FRMD3: variants seen among roughly 807,000 people sequenced by gnomAD.
FRMD3 encodes FERM domain-containing protein 3.
Under a neutral mutation model 70.2 loss-of-function variants are expected in FRMD3, and 33 were observed. The observed-to-expected ratio is 0.47, with a 90% CI of 0.36 to 0.63. The LOEUF (loss-of-function observed/expected upper bound fraction) is 0.63, where lower values mean the gene tolerates loss of function less well. Ranked by LOEUF, FRMD3 falls within the 20% of genes least tolerant of loss-of-function variation. The probability of loss-of-function intolerance (pLI) is 0.00; values close to 1 mark genes in which losing one functional copy is unlikely to be tolerated. For missense variants in FRMD3, 632 were observed against 711.4 expected (o/e 0.89, Z 1.27); for synonymous variants, 279 against 255.9 (o/e 1.09, Z -0.86).
At chr9:83,498,326 A>C (rs1224794963) in intron 1 of FRMD3, among the ~76,000 whole-genome samples, 3 of 152,234 alleles carry the variant, frequency 2.0e-5, no homozygotes, top group African/African-American at 7.2e-5. Context: ...ACTCATGTAG[A>C]GACCAAACTT....
intron 1 of FRMD3, among the ~76,000 whole-genome samples, chr9:83,518,520 C>T (rs933691935): frequency 1.1e-4 from 17 of 152,166 alleles, no homozygotes; most frequent in African/African-American, 4.1e-4. Context: ...ACATTCCATG[C>T]TCATGGATAG....
chr9:83,311,849 A>G (rs1312866760), intron 8 of FRMD3, 38 bp downstream of exon 8: 1 of 1,424,612 alleles, frequency 7.0e-7, no homozygotes, highest in Non-Finnish European at 9.9e-7. Context: ...ATCAAGATTA[A>G]GAAAAATGGA....
At chr9:83,402,950 C>T (rs1373259448) in intron 1 of FRMD3, among the ~76,000 whole-genome samples, 6 of 125,416 alleles carry the variant, frequency 4.8e-5, no homozygotes. Flanking sequence ...GTTGCCCAGG[C>T]TGTAGTACAA....
At chr9:83,495,193 G>A (rs1442561295) in intron 1 of FRMD3, among the ~76,000 whole-genome samples, 1 of 152,194 alleles carries the variant, frequency 6.6e-6, no homozygotes, top group Non-Finnish European at 1.5e-5. Context: ...GGGAAGCAGA[G>A]TTGGGGGACA....
intron 1 of FRMD3, among the ~76,000 whole-genome samples, chr9:83,431,937 G>A (rs1478900699): frequency 6.6e-6 from 1 of 152,188 alleles, no homozygotes; most frequent in Non-Finnish European, 1.5e-5. Flanking sequence ...AGGACACTTA[G>A]TTCAATGTGG....
chr9:83,512,882 G>T (rs1202564292), intron 1 of FRMD3, among the ~76,000 whole-genome samples: 1 of 152,178 alleles, frequency 6.6e-6, no homozygotes, highest in Non-Finnish European at 1.5e-5. Context: ...TCCTAAGTCT[G>T]CAAGACACGG....
intron 1 of FRMD3, among the ~76,000 whole-genome samples, chr9:83,423,559 G>C (rs982381166): frequency 6.4e-5 from 7 of 110,236 alleles, no homozygotes; most frequent in African/African-American, 2.4e-4. Context: ...TTAAACTTTA[G>C]TTCCCTAGTT....
intron 4 of FRMD3, among the ~76,000 whole-genome samples, chr9:83,347,528 A>T (rs1824003009): frequency 6.6e-6 from 1 of 152,256 alleles, no homozygotes; most frequent in African/African-American, 2.4e-5. Flanking sequence ...AGCCCCAGAA[A>T]TCTAAAGGAT....
At chr9:83,535,683 ATTC>A (rs1394636904) in intron 1 of FRMD3, among the ~76,000 whole-genome samples, 4 of 151,960 alleles carry the variant, frequency 2.6e-5, no homozygotes, top group Non-Finnish European at 5.9e-5. Flanking sequence ...GCCCAAGACA[ATTC>A]TTCTTCTTCC....
At chr9:83,362,178 TCTC>T (rs1824610304) in intron 3 of FRMD3, among the ~76,000 whole-genome samples, 1 of 5,200 alleles carries the variant, frequency 1.9e-4, no homozygotes, top group Non-Finnish European at 3.3e-4. Flanking sequence ...CTGTTGGTTC[TCTC>T]TCTCTCTCTC....
chr9:83,309,232 A>T (rs939643714), intron 10 of FRMD3, among the ~76,000 whole-genome samples: 1 of 150,982 alleles, frequency 6.6e-6, no homozygotes, highest in Non-Finnish European at 1.5e-5. Context: ...ATCCTGTGAC[A>T]TATTTTGTGG....
chr9:83,478,834 C>T (rs915640010), intron 1 of FRMD3, among the ~76,000 whole-genome samples: 4 of 152,036 alleles, frequency 2.6e-5, no homozygotes, highest in Non-Finnish European at 4.4e-5. Context: ...TGCCTTCAAG[C>T]AGAGTAAGGC....
intron 10 of FRMD3, among the ~76,000 whole-genome samples, chr9:83,304,186 C>T (rs1291188510): frequency 1.3e-5 from 2 of 152,120 alleles, no homozygotes; most frequent in African/African-American, 2.4e-5. Flanking sequence ...ACGACTAATG[C>T]TGCTATGAAC....
At chr9:83,295,527 C>CTTT (rs1554683111) in intron 12 of FRMD3, among the ~76,000 whole-genome samples, 1 of 151,874 alleles carries the variant, frequency 6.6e-6, no homozygotes, top group Non-Finnish European at 1.5e-5. Context: ...TTTTAAAGCA[C>CTTT]TTTAATACTC....
chr9:83,566,763 G>A, the FRMD3 span, among the ~76,000 whole-genome samples: 1 of 152,202 alleles, frequency 6.6e-6, no homozygotes, highest in Admixed American at 6.5e-5. Flanking sequence ...TCAAATACAG[G>A]TCACACTGAT....
intron 1 of FRMD3, among the ~76,000 whole-genome samples, chr9:83,504,058 C>G (rs2131517624): frequency 6.6e-6 from 1 of 152,264 alleles, no homozygotes; most frequent in East Asian, 1.9e-4. Flanking sequence ...GCACTGAGTG[C>G]TGCTGAAGCC....
chr9:83,297,401 G>C (rs2119011659), intron 12 of FRMD3: 1 of 190,724 alleles, frequency 5.2e-6, no homozygotes, highest in South Asian at 1.1e-4. Context: ...GGAGTTCTAG[G>C]CTTAGGTCTG....
At chr9:83,504,872 C>A (rs1352435820) in intron 1 of FRMD3, among the ~76,000 whole-genome samples, 1 of 152,120 alleles carries the variant, frequency 6.6e-6, no homozygotes, top group Non-Finnish European at 1.5e-5. Context: ...CTCACGGTAC[C>A]TTGCACAGTA....
chr9:83,496,762 T>C (rs1028531956), intron 1 of FRMD3, among the ~76,000 whole-genome samples: 2 of 152,210 alleles, frequency 1.3e-5, no homozygotes, highest in African/African-American at 4.8e-5. Context: ...CCCCAGGGTC[T>C]GTAGCACAAG....
Sources: gnomAD v4.1 joint callset for allele counts (sites outside exome capture counted in the v4.1 genomes callset) on GRCh38, gnomAD v4.1.1 for gene constraint, MANE v1.5 for transcripts, NCBI Gene and HGNC (gene_info 2026-07-23, HGNC 2026-07-21) for gene names.